POLR3B: variants seen among roughly 807,000 people sequenced by gnomAD.
POLR3B encodes RNA polymerase III subunit B, also known as DNA-directed RNA polymerase III subunit RPC2.
In POLR3B, 96 loss-of-function variants were observed where a neutral mutation model predicts 147.4. That is an observed-to-expected ratio of 0.65 (90% confidence interval 0.55 to 0.77). The LOEUF (loss-of-function observed/expected upper bound fraction) is 0.77, where lower values mean the gene tolerates loss of function less well. POLR3B is among the 30% of genes least tolerant of loss of function. POLR3B has a pLI of 0.00. For synonymous variants in POLR3B, 461 were observed against 485.9 expected (o/e 0.95, Z 0.67); for missense variants, 1,036 against 1,413.5 (o/e 0.73, Z 4.28).
At chr12:106,385,126 A>G (rs538326031) in intron 9 of POLR3B, among the ~76,000 whole-genome samples, 2 of 152,242 alleles carry the variant, frequency 1.3e-5, no homozygotes, top group East Asian at 3.9e-4. Flanking sequence ...CTGGCCTTAA[A>G]TATCTTTTAA....
At chr12:106,426,130 C>T (rs1357301304) in intron 12 of POLR3B, among the ~76,000 whole-genome samples, 4 of 152,004 alleles carry the variant, frequency 2.6e-5, no homozygotes, top group African/African-American at 9.7e-5. Flanking sequence ...GCCAGCAGCA[C>T]TGTCATCTCC....
chr12:106,426,857 G>A (rs1191013015), intron 12 of POLR3B, among the ~76,000 whole-genome samples: 53 of 13,888 alleles, frequency 3.8e-3, no homozygotes, highest in African/African-American at 0.016. Flanking sequence ...CCCCCCCCCC[G>A]TCCTTTTTGG....
chr12:106,358,883 AG>A (rs2036426720), intron 1 of POLR3B, among the ~76,000 whole-genome samples: 1 of 152,198 alleles, frequency 6.6e-6, no homozygotes, highest in South Asian at 2.1e-4. Context: ...GAGCTTTTGA[AG>A]GGTTTAAGCA....
intron 6 of POLR3B, among the ~76,000 whole-genome samples, chr12:106,370,467 TA>T (rs1260190573): frequency 1.3e-5 from 2 of 152,178 alleles, no homozygotes; most frequent in African/African-American, 4.8e-5. Flanking sequence ...TCCAGATTTT[TA>T]TGGAAACATG....
At chr12:106,404,340 G>A (rs546022397) in intron 10 of POLR3B, among the ~76,000 whole-genome samples, 2 of 152,166 alleles carry the variant, frequency 1.3e-5, no homozygotes, top group South Asian at 2.1e-4. Context: ...TGATCTGCCC[G>A]CCTCGGCCTC....
rs562478888 is a variant in POLR3B at position 106,482,256 on chromosome 12, T to A, written c.2714-13799T>A. ...GATTCAAAGATACCAATAGTTTTTT[T>A]AAAAAATAATTGTATATGTTGTTAA... On this transcript the variant is annotated intron_variant, in intron 23 of 27. Coordinates refer to ENST00000228347, the MANE Select transcript of POLR3B (RefSeq NM_018082.6). Among the ~76,000 whole-genome samples the A allele has an allele frequency of 6.0e-4, 91 of 152,316 alleles. 2 individuals are homozygous for A. The Middle Eastern group carries it at 0.031, about 51-fold the overall frequency.
intron 26 of POLR3B, among the ~76,000 whole-genome samples, chr12:106,502,006 AAG>A: frequency 6.6e-6 from 1 of 152,340 alleles, no homozygotes; most frequent in East Asian, 1.9e-4. Context: ...TTTCTTGGGA[AAG>A]AGAATTATAG....
chr12:106,493,718 C>T (rs530628761), intron 23 of POLR3B, among the ~76,000 whole-genome samples: 8 of 152,318 alleles, frequency 5.3e-5, no homozygotes, highest in Non-Finnish European at 1.0e-4. Context: ...TGTGTAGCTT[C>T]CATTGTTCCG....
chr12:106,441,055 T>C (rs67966244), intron 18 of POLR3B, among the ~76,000 whole-genome samples: 30,011 of 152,120 alleles, frequency 0.2, 3,113 homozygotes, highest in Non-Finnish European at 0.22. Flanking sequence ...CCTCCAGAAG[T>C]TGCCGATGCT....
At chr12:106,471,247 C>T (rs768499722) in intron 23 of POLR3B, among the ~76,000 whole-genome samples, 4 of 152,170 alleles carry the variant, frequency 2.6e-5, no homozygotes, top group Non-Finnish European at 4.4e-5. Flanking sequence ...AGCAAGGCTC[C>T]GTGGGCATGA....
At chr12:106,375,877 A>C (rs1330238808) in intron 6 of POLR3B, among the ~76,000 whole-genome samples, 1 of 152,138 alleles carries the variant, frequency 6.6e-6, no homozygotes, top group Non-Finnish European at 1.5e-5. Flanking sequence ...TTGTTTTTTG[A>C]GACAGAGCCT....
At chr12:106,440,782 C>G (rs2037640217) in intron 18 of POLR3B, among the ~76,000 whole-genome samples, 1 of 149,222 alleles carries the variant, frequency 6.7e-6, no homozygotes, top group Admixed American at 6.7e-5. Flanking sequence ...TGGTATTTTA[C>G]TGATGTATCT....
At chr12:106,398,846 C>T (rs185281410) in intron 10 of POLR3B, among the ~76,000 whole-genome samples, 28 of 152,266 alleles carry the variant, frequency 1.8e-4, no homozygotes, top group African/African-American at 5.5e-4. Context: ...TCACCATCAT[C>T]AAAGACCAAA....
At chr12:106,434,862 T>C (rs745753512) in intron 16 of POLR3B, among the ~76,000 whole-genome samples, 5 of 152,238 alleles carry the variant, frequency 3.3e-5, no homozygotes, top group Middle Eastern at 3.4e-3. Context: ...CTTCTTGGGA[T>C]GGTCAGTCCA....
chr12:106,419,887 AAAC>A (rs750513227), intron 12 of POLR3B, among the ~76,000 whole-genome samples: 1 of 150,598 alleles, frequency 6.6e-6, no homozygotes. Context: ...TGGTGGCTTA[AAAC>A]AACAACCATT....
Position 106,405,927 on chromosome 12 carries a change from T to C in POLR3B, c.917T>C (p.Ile306Thr). 2 of 1,613,756 alleles carry C rather than the reference T, an allele frequency of 1.2e-6. No homozygotes were observed. Among genetic ancestry groups the C allele is most frequent in the Non-Finnish European group, 1.7e-6 (2 of 1,179,732 alleles). ...MWGGGPKKTKIEEARELLAST... is the reference protein window; with the variant it reads ...MWGGGPKKTKTEEARELLAST... ...GGAGGTGGACCAAAGAAAACCAAAA[T>C]AGAAGAAGCAAGAGAGCTCCTGGCT... Residue 306 changes from isoleucine (I) to threonine (T), a missense_variant, in exon 11 of 28, where the codon ATA becomes ACA. Coordinates refer to ENST00000228347, the MANE Select transcript of POLR3B (RefSeq NM_018082.6).
chr12:106,475,982 C>G (rs1329240677), intron 23 of POLR3B, among the ~76,000 whole-genome samples: 9 of 150,936 alleles, frequency 6.0e-5, no homozygotes, highest in Non-Finnish European at 1.3e-4. Flanking sequence ...TACATTTTGG[C>G]ATGATTTTGC....
At chr12:106,371,552 A>T (rs71452909) in intron 6 of POLR3B, among the ~76,000 whole-genome samples, 3,577 of 151,444 alleles carry the variant, frequency 0.024, 50 homozygotes, top group Non-Finnish European at 0.034. Flanking sequence ...ATGTCCAACA[A>T]TGATAGACTG....
chr12:106,429,077 G>C (rs532794949), intron 13 of POLR3B, among the ~76,000 whole-genome samples: 3 of 152,246 alleles, frequency 2.0e-5, no homozygotes, highest in African/African-American at 7.2e-5. Flanking sequence ...GGCTTTTATT[G>C]GGTCCTCTGA....
Sources: allele counts gnomAD v4.1 joint callset (sites outside exome capture counted in the v4.1 genomes callset), GRCh38; gene constraint gnomAD v4.1.1; transcripts MANE v1.5; gene names NCBI Gene and HGNC (gene_info 2026-07-23, HGNC 2026-07-21).